The following STX3 variants were observed in gnomAD, a reference collection of about 807,000 sequenced individuals.
The protein encoded by STX3 is syntaxin-3.
In STX3, 19 loss-of-function variants were observed where a neutral mutation model predicts 40.2. That is an observed-to-expected ratio of 0.47 (90% confidence interval 0.33 to 0.69). The LOEUF (loss-of-function observed/expected upper bound fraction) is 0.69, where lower values mean the gene tolerates loss of function less well. Ranked by LOEUF, STX3 falls within the 30% of genes least tolerant of loss-of-function variation. The pLI is 0.02. For synonymous variants in STX3, 122 were observed against 132.2 expected (o/e 0.92, Z 0.53); for missense variants, 364 against 366.7 (o/e 0.99, Z 0.06).
At chr11:59,758,422 G>T (rs1003979806) in intron 1 of STX3, among the ~76,000 whole-genome samples, 1 of 152,222 alleles carries the variant, frequency 6.6e-6, no homozygotes, top group South Asian at 2.1e-4. Context: ...GGCCTCAAGA[G>T]TTGCCCCTGT....
chr11:59,794,178 A>G (rs1414001181), intron 8 of STX3, among the ~76,000 whole-genome samples: 1 of 152,296 alleles, frequency 6.6e-6, no homozygotes, highest in South Asian at 2.1e-4. Context: ...GCAAAATAGC[A>G]TTGACAGAAA....
At chr11:59,763,040 A>T (rs1863116902) in intron 1 of STX3, among the ~76,000 whole-genome samples, 1 of 152,200 alleles carries the variant, frequency 6.6e-6, no homozygotes, top group South Asian at 2.1e-4. Flanking sequence ...TCCTTGGGCT[A>T]AAGCACTGTC....
rs1196232006 is a variant in STX3 at position 59,797,273 on chromosome 11, C to T, written c.787-10C>T. ...ATAATGATTTGTTTTTGTCTTATTCCTCTCTCCAGAAATTGATAATTATCA... is the reference window on the plus strand; with the variant it reads ...ATAATGATTTGTTTTTGTCTTATTCTTCTCTCCAGAAATTGATAATTATCA... On this transcript the variant is annotated splice_polypyrimidine_tract_variant and intron_variant, in intron 9 of 10. Transcript: ENST00000337979. The T allele has an allele frequency of 5.0e-6, 8 of 1,605,212 alleles. No homozygotes were observed. Among genetic ancestry groups the T allele is most frequent in the Non-Finnish European group, 6.8e-6 (8 of 1,172,558 alleles).
intron 2 of STX3, among the ~76,000 whole-genome samples, chr11:59,776,518 C>G (rs569239661): frequency 6.6e-6 from 1 of 152,030 alleles, no homozygotes; most frequent in Admixed American, 6.6e-5. Context: ...GAGAGATTGT[C>G]CCCCTCTATG....
chr11:59,759,582 C>G (rs1436962723), intron 1 of STX3, among the ~76,000 whole-genome samples: 3 of 152,190 alleles, frequency 2.0e-5, no homozygotes, highest in Non-Finnish European at 2.9e-5. Context: ...AGGTTGAAGG[C>G]TTTGGACTCC....
chr11:59,774,107 A>G (rs2134932153), intron 2 of STX3, among the ~76,000 whole-genome samples: 2 of 152,242 alleles, frequency 1.3e-5, no homozygotes, highest in South Asian at 4.1e-4. Context: ...CTACAGATCC[A>G]TGTACTCTGA....
At position 59,805,189 on chromosome 11, in the gene STX3, A is replaced by AAGAAAAC. The variant is rs1555009052; in HGVS notation, c.*4366_*4367insGAAAACA. On this transcript the variant is annotated 3_prime_UTR_variant, in exon 11 of 11. Coordinates refer to ENST00000337979, the MANE Select transcript of STX3 (RefSeq NM_004177.5). ...CTAAATTCCATCTAAAAAAAAAAAA[A>AAGAAAAC]AAACAAAAAAAAAAAACTGTTCTTA... 6.7e-6 allele frequency: 1 copy of AAGAAAAC among 149,510 alleles called. No individual in the cohort carries two copies. The highest frequency in any genetic ancestry group is 2.5e-5 in the African/African-American group (1 of 40,158). The allele number at this position is 149,510 out of a possible 1,614,324, so 9.3% of individuals were successfully genotyped here. A position where few individuals can be genotyped will look rare whatever the true frequency, so the allele number is the denominator to read the frequency against.
intron 2 of STX3, among the ~76,000 whole-genome samples, chr11:59,783,504 A>G (rs776445360): frequency 2.6e-5 from 4 of 152,230 alleles, no homozygotes; most frequent in African/African-American, 9.6e-5. Flanking sequence ...ATACAAGAAT[A>G]TGTTTAGTCA....
chr11:59,778,348 A>G (rs1459740943), intron 2 of STX3, among the ~76,000 whole-genome samples: 1 of 152,166 alleles, frequency 6.6e-6, no homozygotes, highest in Non-Finnish European at 1.5e-5. Context: ...AGATCCTCCA[A>G]TCTGACTTCC....
chr11:59,775,430 A>T (rs892144629), intron 2 of STX3, among the ~76,000 whole-genome samples: 1 of 152,216 alleles, frequency 6.6e-6, no homozygotes, highest in East Asian at 1.9e-4. Flanking sequence ...TACATTAAAG[A>T]ACTTCTTCCC....
chr11:59,755,857 C>CT, intron 1 of STX3, among the ~76,000 whole-genome samples: 1 of 152,308 alleles, frequency 6.6e-6, no homozygotes, highest in South Asian at 2.1e-4. Flanking sequence ...CTGAACGCCT[C>CT]TAACTCTCCC....
chr11:59,780,584 A>G (rs1864305881), intron 2 of STX3, among the ~76,000 whole-genome samples: 1 of 152,274 alleles, frequency 6.6e-6, no homozygotes, highest in South Asian at 2.1e-4. Flanking sequence ...TGCCTTCTTC[A>G]TGGCCTCAGC....
intron 2 of STX3, chr11:59,781,751 GCAA>G (rs1405725714): frequency 6.4e-7 from 1 of 1,561,934 alleles, no homozygotes; most frequent in African/African-American, 1.4e-5. Context: ...CGTGCAGAGA[GCAA>G]CATTTGTTTT....
At chr11:59,792,998 C>A in intron 6 of STX3, 101 bp from the exon 7 acceptor site, 1 of 1,168,494 alleles carries the variant, frequency 8.6e-7, no homozygotes, top group Non-Finnish European at 1.2e-6. Flanking sequence ...GTAAAGGCCA[C>A]GGTCTTTATA....
At chr11:59,788,151 C>T (rs1864893461) in intron 3 of STX3, among the ~76,000 whole-genome samples, 1 of 152,058 alleles carries the variant, frequency 6.6e-6, no homozygotes, top group Non-Finnish European at 1.5e-5. Context: ...AACTCACAGT[C>T]CTTGAGACTC....
chr11:59,782,134 A>G (rs1014763813), intron 2 of STX3, among the ~76,000 whole-genome samples: 8 of 152,200 alleles, frequency 5.3e-5, no homozygotes, highest in Admixed American at 4.6e-4. Flanking sequence ...CCACTGGCTA[A>G]TTAGGTCCAG....
intron 8 of STX3, 112 bp downstream of exon 8, chr11:59,793,626 T>C (rs565314474): frequency 1.5e-5 from 21 of 1,411,784 alleles, no homozygotes; most frequent in Admixed American, 1.2e-4. Flanking sequence ...GGGAGAACCA[T>C]TGGGAATTTG....
At chr11:59,757,752 C>G (rs747865326) in intron 1 of STX3, among the ~76,000 whole-genome samples, 1 of 146,406 alleles carries the variant, frequency 6.8e-6, no homozygotes, top group African/African-American at 2.6e-5. Flanking sequence ...TGCGTCACTT[C>G]TCTGCTTCTC....
chr11:59,772,189 C>T lies in STX3; in HGVS notation c.31-1022C>T, dbSNP rs1863688799. Among the ~76,000 whole-genome samples the T allele has an allele frequency of 3.9e-5, 6 of 152,338 alleles. No homozygotes were observed. The South Asian group carries it at 1.2e-3, about 32-fold the overall frequency. On this transcript the variant is annotated intron_variant, in intron 1 of 10. Coordinates refer to ENST00000337979, the MANE Select transcript of STX3 (RefSeq NM_004177.5). ...GAGGCTGATGAAGCTTGTGAAGAAG[C>T]AGGTGTGGGGGGTTTATCCCCTGCC...
Sources: allele counts gnomAD v4.1 joint callset (sites outside exome capture counted in the v4.1 genomes callset), GRCh38; gene constraint gnomAD v4.1.1; transcripts MANE v1.5; gene names NCBI Gene and HGNC (gene_info 2026-07-23, HGNC 2026-07-21).